Variants in CHCHD3 observed in about 807,000 individuals in gnomAD.
The protein encoded by CHCHD3 is coiled-coil-helix-coiled-coil-helix domain containing 3, also known as MICOS complex subunit MIC19.
CHCHD3 carries 20 observed loss-of-function variants against 38.2 expected under a neutral mutation model. The observed-to-expected ratio is 0.52, with a 90% CI of 0.37 to 0.76. The LOEUF (loss-of-function observed/expected upper bound fraction) is 0.76. Among genes scored for constraint, CHCHD3 ranks in the 30% least tolerant of loss-of-function variants. The pLI is 0.00. For missense variants in CHCHD3, 245 were observed against 279.2 expected (o/e 0.88, Z 0.87); for synonymous variants, 82 against 100.0 (o/e 0.82, Z 1.07).
chr7:133,064,796 T>A (rs757701802), intron 2 of CHCHD3, among the ~76,000 whole-genome samples: 2 of 152,242 alleles, frequency 1.3e-5, no homozygotes, highest in Non-Finnish European at 2.9e-5. Context: ...TTAGGTCATT[T>A]GTCTTGTTTT....
chr7:132,928,070 T>C (rs1275988246), intron 4 of CHCHD3, among the ~76,000 whole-genome samples: 1 of 152,110 alleles, frequency 6.6e-6, no homozygotes, highest in East Asian at 1.9e-4. Context: ...AAGAGTAGGC[T>C]GGGGACTCTA....
chr7:132,928,186 T>A (rs893645570), intron 4 of CHCHD3, among the ~76,000 whole-genome samples: 4 of 152,028 alleles, frequency 2.6e-5, no homozygotes, highest in African/African-American at 9.7e-5. Context: ...GAGAGTGACA[T>A]CATGGATAAA....
chr7:132,862,709 T>C (rs1562888823), intron 5 of CHCHD3, among the ~76,000 whole-genome samples: 1 of 152,230 alleles, frequency 6.6e-6, no homozygotes, highest in Non-Finnish European at 1.5e-5. Flanking sequence ...AATTCAAAAT[T>C]ATCTCAAACT....
chr7:132,990,453 C>T (rs969870489), intron 3 of CHCHD3, among the ~76,000 whole-genome samples: 1 of 152,140 alleles, frequency 6.6e-6, no homozygotes, highest in Non-Finnish European at 1.5e-5. Flanking sequence ...CCGCAAACAG[C>T]GGCCCCATCC....
rs555606741 is a variant in CHCHD3 at position 132,927,495 on chromosome 7, T to C, written c.370-41750A>G. ...GACTCACCAAGTTTTCAACACTGTA[T>C]CTCGCCCAGGCCTTTTATAATAGTG... On this transcript the variant is annotated intron_variant, in intron 4 of 7. Coordinates refer to ENST00000262570, the MANE Select transcript of CHCHD3 (RefSeq NM_017812.4). Among the ~76,000 whole-genome samples, 8 of 152,356 alleles carry C rather than the reference T, an allele frequency of 5.3e-5. No homozygotes were observed. In the South Asian group the frequency reaches 1.7e-3, roughly 32 times the overall value.
At chr7:132,865,731 G>C (rs565309855) in intron 5 of CHCHD3, among the ~76,000 whole-genome samples, 6 of 152,250 alleles carry the variant, frequency 3.9e-5, no homozygotes, top group African/African-American at 1.4e-4. Context: ...AACGAGCAAA[G>C]GCAGCCCCCG....
chr7:132,917,283 T>C (rs1025808801), intron 4 of CHCHD3, among the ~76,000 whole-genome samples: 4 of 146,696 alleles, frequency 2.7e-5, no homozygotes, highest in Non-Finnish European at 4.6e-5. Context: ...CCTGCTGAAA[T>C]TGAATTCTTA....
Position 132,788,780 on chromosome 7 carries a change from T to G in CHCHD3, c.661-3120A>C, listed in dbSNP as rs1806386234. ...CTAATCCTCCAAGATAGCACAGTGG[T>G]TCAGCTGATTTGTGGTGACTCCTTG... On this transcript the variant is annotated intron_variant, in intron 7 of 7. Coordinates refer to ENST00000262570, the MANE Select transcript of CHCHD3 (RefSeq NM_017812.4). The surrounding 1 kb of genome is among the most constrained non-coding windows in gnomAD (Gnocchi z 4.0). 6.6e-6 allele frequency among the ~76,000 whole-genome samples: 1 copy of G among 152,186 alleles called. No homozygotes were observed. Among genetic ancestry groups the G allele is most frequent in the Non-Finnish European group, 1.5e-5 (1 of 68,028 alleles).
intron 4 of CHCHD3, among the ~76,000 whole-genome samples, chr7:132,942,934 T>C: frequency 6.6e-6 from 1 of 152,052 alleles, no homozygotes; most frequent in East Asian, 1.9e-4. Flanking sequence ...TTACAGCATG[T>C]CCAACCATGC....
At chr7:133,060,096 G>T (rs568214034) in intron 2 of CHCHD3, among the ~76,000 whole-genome samples, 22 of 152,276 alleles carry the variant, frequency 1.4e-4, no homozygotes, top group Non-Finnish European at 2.9e-4. Flanking sequence ...GTATCAACTT[G>T]GAAAGTCCAC....
chr7:133,008,831 GTTC>G (rs1246009270), intron 3 of CHCHD3, among the ~76,000 whole-genome samples: 2 of 151,922 alleles, frequency 1.3e-5, no homozygotes, highest in African/African-American at 4.8e-5. Context: ...TTCTAATATT[GTTC>G]TTCATTTTTC....
chr7:133,016,358 G>A (rs972028065), intron 3 of CHCHD3, among the ~76,000 whole-genome samples: 9 of 152,142 alleles, frequency 5.9e-5, no homozygotes, highest in Admixed American at 3.3e-4. Context: ...CTCTGAAATC[G>A]TTTTCACAGA....
intron 2 of CHCHD3, among the ~76,000 whole-genome samples, chr7:133,065,892 C>A (rs1208572878): frequency 6.6e-6 from 1 of 152,044 alleles, no homozygotes; most frequent in Non-Finnish European, 1.5e-5. Context: ...TAGTTCTTTT[C>A]TTGGGTTAGG....
chr7:133,037,790 C>A (rs768788659), intron 2 of CHCHD3, among the ~76,000 whole-genome samples: 1 of 152,032 alleles, frequency 6.6e-6, no homozygotes, highest in South Asian at 2.1e-4. Flanking sequence ...TCCAGCCTGG[C>A]GACAGAGCGA....
At chr7:132,853,472 A>G (rs996252055) in intron 5 of CHCHD3, among the ~76,000 whole-genome samples, 1 of 151,948 alleles carries the variant, frequency 6.6e-6, no homozygotes, top group Non-Finnish European at 1.5e-5. Flanking sequence ...AAATACAAAA[A>G]TTACCCGGGC....
chr7:132,939,329 A>T (rs1810706846), intron 4 of CHCHD3, among the ~76,000 whole-genome samples: 1 of 152,192 alleles, frequency 6.6e-6, no homozygotes, highest in Non-Finnish European at 1.5e-5. Flanking sequence ...AGCAACCTCC[A>T]GTCCTGCAAG....
Position 132,985,072 on chromosome 7 carries a change from TG to T in CHCHD3, c.252-9787del, listed in dbSNP as rs1183551957. Among the ~76,000 whole-genome samples the T allele has an allele frequency of 2.4e-5, 2 of 84,362 alleles. 1 individual carries two copies. The highest frequency in any genetic ancestry group is 4.8e-5 in the Non-Finnish European group (2 of 41,296). The allele number at this position is 84,362 out of a possible 152,430, so 55.3% of individuals were successfully genotyped here. ...CCAGCCGCCCCGTCCGGAAGGGAGG[TG>T]GGGGGGTTAGCCCCCCGTCCGGCCA... On this transcript the variant is annotated intron_variant, in intron 3 of 7. Transcript: ENST00000262570.
chr7:132,964,002 A>G (rs1185667673), intron 4 of CHCHD3, among the ~76,000 whole-genome samples: 1 of 152,142 alleles, frequency 6.6e-6, no homozygotes, highest in Non-Finnish European at 1.5e-5. Flanking sequence ...GGTCAATGGC[A>G]TAGTTTTTCA....
At chr7:132,953,002 A>T (rs576554257) in intron 4 of CHCHD3, among the ~76,000 whole-genome samples, 32 of 152,182 alleles carry the variant, frequency 2.1e-4, no homozygotes, top group Non-Finnish European at 3.8e-4. Context: ...TCAATACCTC[A>T]CTTCATTATG....
Sources: gnomAD v4.1 joint callset for allele counts (sites outside exome capture counted in the v4.1 genomes callset) on GRCh38, gnomAD v4.1.1 for gene constraint, Gnocchi (gnomAD v3.1) non-coding constraint, MANE v1.5 for transcripts, NCBI Gene and HGNC (gene_info 2026-07-23, HGNC 2026-07-21) for gene names.